Variants in SOS2 observed in about 807,000 individuals in gnomAD.
SOS2 encodes the protein SOS Ras/Rho guanine nucleotide exchange factor 2, also known as son of sevenless homolog 2.
SOS2 carries 65 observed loss-of-function variants against 148.2 expected under a neutral mutation model. That is an observed-to-expected ratio of 0.44 (90% CI 0.36 to 0.54). SOS2 has a LOEUF of 0.54. Ranked by LOEUF, SOS2 falls within the 20% of genes least tolerant of loss-of-function variation. The pLI is 0.00. For synonymous variants in SOS2, 539 were observed against 537.1 expected, an observed-to-expected ratio of 1.00 and a Z score of -0.05; for missense variants, 1,341 against 1,590.2, an observed-to-expected ratio of 0.84 and a Z score of 2.67.
chr14:50,223,764 G>A (rs1887270014), intron 1 of SOS2, among the ~76,000 whole-genome samples: 1 of 152,054 alleles, frequency 6.6e-6, no homozygotes, highest in Admixed American at 6.5e-5. Context: ...TGAGGTGGGA[G>A]GATCATTGAG....
At chr14:50,164,348 G>C (rs537088867) in intron 8 of SOS2, among the ~76,000 whole-genome samples, 34 of 152,222 alleles carry the variant, frequency 2.2e-4, no homozygotes, top group African/African-American at 7.9e-4. Context: ...GCTGAGGTGA[G>C]AGGATGACCT....
chr14:50,150,299 C>T, intron 13 of SOS2, 69 bp from the exon 14 acceptor site: 1 of 1,072,282 alleles, frequency 9.3e-7, no homozygotes, highest in South Asian at 1.3e-5. Flanking sequence ...TTCATTTAAT[C>T]CTTAACTTTC....
intron 1 of SOS2, among the ~76,000 whole-genome samples, chr14:50,209,200 G>A (rs995910096): frequency 2.7e-5 from 4 of 150,886 alleles, no homozygotes; most frequent in African/African-American, 9.7e-5. Context: ...GGCTTTTCTG[G>A]GTCTGCAGCT....
At chr14:50,191,352 C>A (rs1298876586) in intron 4 of SOS2, among the ~76,000 whole-genome samples, 3 of 152,058 alleles carry the variant, frequency 2.0e-5, no homozygotes, top group African/African-American at 7.2e-5. Flanking sequence ...ACCTGCGGTC[C>A]TAACTACTCT....
chr14:50,217,087 G>A (rs994596258), intron 1 of SOS2, among the ~76,000 whole-genome samples: 3 of 152,104 alleles, frequency 2.0e-5, no homozygotes, highest in Non-Finnish European at 4.4e-5. Context: ...AAAACAGTAC[G>A]GCACTGACAT....
chr14:50,155,623 T>G (rs1884786943), intron 12 of SOS2, among the ~76,000 whole-genome samples: 1 of 152,188 alleles, frequency 6.6e-6, no homozygotes, highest in Non-Finnish European at 1.5e-5. Context: ...TAGAACAATA[T>G]ATAACTGTTT....
intron 3 of SOS2, among the ~76,000 whole-genome samples, chr14:50,200,484 A>G (rs1167364833): frequency 6.6e-6 from 1 of 152,130 alleles, no homozygotes; most frequent in Non-Finnish European, 1.5e-5. Flanking sequence ...TTAATCAACA[A>G]ATGACTGAGA....
intron 5 of SOS2, among the ~76,000 whole-genome samples, chr14:50,187,387 G>A (rs529376600): frequency 4.9e-4 from 65 of 132,308 alleles, no homozygotes; most frequent in African/African-American, 1.7e-3. Flanking sequence ...TCGCTCTGTC[G>A]CCCAGGCTGG....
rs35121759 is a variant in SOS2 at position 50,197,689 on chromosome 14, C to CTTTTTTTTTTTTTTTTT, written c.510+1985_510+2001dup. On this transcript the variant is annotated intron_variant, in intron 4 of 22. Coordinates refer to ENST00000216373, the MANE Select transcript of SOS2 (RefSeq NM_006939.4). ...TCTTGAATAAAGTCAGCTTTACCAC[C>CTTTTTTTTTTTTTTTTT]TTTTTTTTTTTTTTTTTTTGAAACA... 1.6e-4 allele frequency among the ~76,000 whole-genome samples: 20 copies of CTTTTTTTTTTTTTTTTT among 125,852 alleles called. 6 individuals are homozygous for CTTTTTTTTTTTTTTTTT. Among genetic ancestry groups the CTTTTTTTTTTTTTTTTT allele is most frequent in the Admixed American group, 1.7e-4 (2 of 11,976 alleles). The allele number at this position is 125,852 out of a possible 152,430, so 82.6% of individuals were successfully genotyped here.
Position 50,161,597 on chromosome 14 carries a change from A to G in SOS2, c.1081T>C (p.Cys361Arg). 1.9e-6 allele frequency: 3 copies of G among 1,611,436 alleles called. No individual in the cohort carries two copies. The highest frequency in any genetic ancestry group is 1.1e-5 in the South Asian group (1 of 90,394). The change falls in exon 9 of 23, where the codon TGT becomes CGT. Residue 361 changes from cysteine to arginine, a missense_variant. Physicochemically the swap from Cys to Arg is radical, Grantham distance 180. Coordinates refer to ENST00000216373, the MANE Select transcript of SOS2 (RefSeq NM_006939.4). ...TCTCTGTCTTCTTGTTCTTCACTAC[A>G]TGCTTTCAATTGCTAAGAAAAAACA... Reference protein sequence around the residue: ...YFELLKQLKACSEEQEDRECL... With the variant: ...YFELLKQLKARSEEQEDRECL...
chr14:50,133,962 G>C (rs1883990823), intron 19 of SOS2, among the ~76,000 whole-genome samples, 161 bp downstream of exon 19: 1 of 151,362 alleles, frequency 6.6e-6, no homozygotes, highest in Admixed American at 6.6e-5. Flanking sequence ...TTTATCAAAA[G>C]GCTGACATTT....
Position 50,182,269 on chromosome 14 carries a change from T to C in SOS2, c.858+194A>G, listed in dbSNP as rs537671950. Among the ~76,000 whole-genome samples the C allele has an allele frequency of 4.2e-5, 6 of 144,098 alleles. No individual in the cohort carries two copies. The East Asian group carries it at 1.3e-3, about 32-fold the overall frequency. The allele number at this position is 144,098 out of a possible 152,430, so 94.5% of individuals were successfully genotyped here. ...AGGATGGAGTGCAGTGACACAATCA[T>C]GGGCTTGATCTCCCAGGCTTCCTAC... On this transcript the variant is annotated intron_variant, in intron 6 of 22. Transcript: ENST00000216373.
chr14:50,231,169 C>G lies in SOS2; in HGVS notation c.87+28G>C, dbSNP rs768128276. ...GAAGCTCGGGGGGCCACGGGCCACC[C>G]GCCGGCCGCCCCGCCCCTAGCACTG... On this transcript the variant is annotated intron_variant, in intron 1 of 22. Transcript: ENST00000216373. 3 of 1,346,204 alleles carry G rather than the reference C, an allele frequency of 2.2e-6. No homozygotes were observed. The Admixed American group carries it at 7.2e-5, about 32-fold the overall frequency. 83.4% of individuals were successfully genotyped at this position (1,346,204 alleles called of 1,614,324 possible).
intron 7 of SOS2, among the ~76,000 whole-genome samples, chr14:50,177,820 C>T (rs1885574185): frequency 6.6e-6 from 1 of 152,072 alleles, no homozygotes; most frequent in African/African-American, 2.4e-5. Context: ...CAGTTTTAAA[C>T]ATGTCATATT....
chr14:50,202,784 G>A (rs1412046968), intron 2 of SOS2, among the ~76,000 whole-genome samples: 1 of 151,662 alleles, frequency 6.6e-6, no homozygotes, highest in Non-Finnish European at 1.5e-5. Flanking sequence ...GAGAACAGGG[G>A]AAAAAAATGC....
At chr14:50,227,184 C>T (rs1887402693) in intron 1 of SOS2, among the ~76,000 whole-genome samples, 1 of 151,886 alleles carries the variant, frequency 6.6e-6, no homozygotes, top group South Asian at 2.1e-4. Context: ...CATTTCTATT[C>T]CCAAAATTAT....
intron 1 of SOS2, among the ~76,000 whole-genome samples, chr14:50,216,149 G>A (rs1342288045): frequency 1.3e-5 from 2 of 150,802 alleles, no homozygotes; most frequent in Non-Finnish European, 2.9e-5. Flanking sequence ...AGGCTGGAGT[G>A]CAGTGGCAGC....
At chr14:50,186,154 T>C (rs751462501) in intron 5 of SOS2, among the ~76,000 whole-genome samples, 4 of 152,156 alleles carry the variant, frequency 2.6e-5, no homozygotes, top group Non-Finnish European at 5.9e-5. Context: ...TGATTTTAGA[T>C]AGTCTTTCCC....
At chr14:50,141,424 G>C (rs1429125699) in intron 16 of SOS2, among the ~76,000 whole-genome samples, 2 of 151,556 alleles carry the variant, frequency 1.3e-5, no homozygotes, top group Admixed American at 6.6e-5. Context: ...AGGAGACTAA[G>C]GTAGGAAGAC....
Sources: gnomAD v4.1 joint callset for allele counts (sites outside exome capture counted in the v4.1 genomes callset) on GRCh38, gnomAD v4.1.1 for gene constraint, MANE v1.5 for transcripts, NCBI Gene and HGNC (gene_info 2026-07-23, HGNC 2026-07-21) for gene names.